The following SMARCA2 variants were observed in gnomAD, a reference collection of about 807,000 sequenced individuals.
SMARCA2 encodes the protein SWI/SNF-related matrix-associated actin-dependent regulator of chromatin subfamily A member 2.
SMARCA2 carries 61 observed loss-of-function variants against 199.8 expected under a neutral mutation model. The ratio of observed to expected loss-of-function variants is 0.31; its 90% CI spans 0.25 to 0.38. The LOEUF is 0.38. Among genes scored for constraint, SMARCA2 ranks in the 10% least tolerant of loss-of-function variants. SMARCA2 has a pLI of 1.00. For synonymous variants in SMARCA2, 935 were observed against 732.0 expected, an observed-to-expected ratio of 1.28 and a Z score of -4.48; for missense variants, 1,344 against 2,012.2, an observed-to-expected ratio of 0.67 and a Z score of 6.35.
At chr9:2,187,684 A>T (rs1827568026) in intron 32 of SMARCA2, among the ~76,000 whole-genome samples, 1 of 151,906 alleles carries the variant, frequency 6.6e-6, no homozygotes. Context: ...CTAAAAAAAA[A>T]ATTTTAAATA....
At chr9:2,085,222 G>A (rs1232224939) in intron 17 of SMARCA2, among the ~76,000 whole-genome samples, 1 of 152,172 alleles carries the variant, frequency 6.6e-6, no homozygotes, top group African/African-American at 2.4e-5. Flanking sequence ...ATTTGGCAGT[G>A]TCAAAAATGA....
At chr9:2,149,260 G>A (rs1234905384) in intron 27 of SMARCA2, among the ~76,000 whole-genome samples, 1 of 151,320 alleles carries the variant, frequency 6.6e-6, no homozygotes, top group East Asian at 1.9e-4. Context: ...GCTCACACCT[G>A]TAATCCAAGC....
At chr9:2,129,075 C>T (rs1823821702) in intron 27 of SMARCA2, among the ~76,000 whole-genome samples, 1 of 152,156 alleles carries the variant, frequency 6.6e-6, no homozygotes, top group Non-Finnish European at 1.5e-5. Context: ...TCACAGAACT[C>T]AGGCAAGTGC....
In SMARCA2 at chr9:2,042,265, C is replaced by G. The variant is rs572128773; in HGVS notation, c.790+2365C>G. Reference sequence around the variant, plus strand: ...GTAGAGGCCAGCTGGTAACTACCAGCTACATGAAAGGCTGATGGAGAGGAG... The same window carrying G: ...GTAGAGGCCAGCTGGTAACTACCAGGTACATGAAAGGCTGATGGAGAGGAG... On this transcript the variant is annotated intron_variant, in intron 4 of 33. Coordinates refer to ENST00000349721, the MANE Select transcript of SMARCA2 (RefSeq NM_003070.5). 26 of 152,280 alleles carry G rather than the reference C, an allele frequency of 1.7e-4. No individual in the cohort carries two copies. In the South Asian group the frequency reaches 3.7e-3, roughly 22 times the overall value. The allele number at this position is 152,280 out of a possible 1,614,324, so 9.4% of individuals were successfully genotyped here. A position where few individuals can be genotyped will look rare whatever the true frequency, so the allele number is the denominator to read the frequency against.
intron 9 of SMARCA2, among the ~76,000 whole-genome samples, chr9:2,063,344 A>G (rs1342059914): frequency 6.6e-6 from 1 of 152,146 alleles, no homozygotes; most frequent in African/African-American, 2.4e-5. Flanking sequence ...CTGATTTGAC[A>G]CTTTGGATTA....
chr9:2,035,083 C>A (rs1323877968), intron 3 of SMARCA2, among the ~76,000 whole-genome samples: 1 of 150,950 alleles, frequency 6.6e-6, no homozygotes, highest in African/African-American at 2.4e-5. Flanking sequence ...CCTCTGTTGC[C>A]CAGGCTGGAG....
At chr9:2,146,378 C>A (rs936610627) in intron 27 of SMARCA2, among the ~76,000 whole-genome samples, 1 of 152,066 alleles carries the variant, frequency 6.6e-6, no homozygotes, top group Non-Finnish European at 1.5e-5. Flanking sequence ...AAGAAATATG[C>A]GAAATCAGGA....
chr9:2,153,610 T>A (rs190490956), intron 27 of SMARCA2, among the ~76,000 whole-genome samples: 291 of 152,332 alleles, frequency 1.9e-3, no homozygotes, highest in Admixed American at 0.017. Context: ...TAATGCTCAA[T>A]GTTTTTAATA....
intron 11 of SMARCA2, 34 bp from the exon 12 acceptor site, chr9:2,073,532 A>G (rs1265805847): frequency 1.9e-6 from 3 of 1,579,000 alleles, no homozygotes; most frequent in East Asian, 2.2e-5. Flanking sequence ...TTAAAAAACT[A>G]AGCCCCCTCC....
chr9:2,051,122 G>A (rs1031543395), intron 5 of SMARCA2, among the ~76,000 whole-genome samples: 6 of 152,150 alleles, frequency 3.9e-5, no homozygotes, highest in African/African-American at 1.2e-4. Context: ...TTAAAATGAA[G>A]ATTTCTATTA....
At chr9:2,176,076 T>G (rs191842594) in intron 29 of SMARCA2, among the ~76,000 whole-genome samples, 1 of 152,094 alleles carries the variant, frequency 6.6e-6, no homozygotes, top group East Asian at 1.9e-4. Flanking sequence ...AGATGAGGTT[T>G]CTCCATGTTG....
intron 27 of SMARCA2, among the ~76,000 whole-genome samples, chr9:2,157,317 A>T (rs1231476732): frequency 6.6e-6 from 1 of 152,130 alleles, no homozygotes; most frequent in Non-Finnish European, 1.5e-5. Flanking sequence ...TTTTGGAATC[A>T]AGTTTGGTGA....
chr9:2,094,322 C>G (rs1337888780), intron 19 of SMARCA2, among the ~76,000 whole-genome samples: 1 of 152,234 alleles, frequency 6.6e-6, no homozygotes, highest in Non-Finnish European at 1.5e-5. Context: ...TCTCTGCTGA[C>G]TTGACCTCGT....
At chr9:2,023,119 C>T (rs1427613481) in intron 1 of SMARCA2, among the ~76,000 whole-genome samples, 1 of 152,122 alleles carries the variant, frequency 6.6e-6, no homozygotes, top group Non-Finnish European at 1.5e-5. Context: ...TTTGAGATGG[C>T]AACTCATGGT....
In SMARCA2 at chr9:2,056,603, C is replaced by A; in HGVS notation, c.1174-69C>A. On this transcript the variant is annotated intron_variant, in intron 6 of 33. Transcript: ENST00000349721. This position sits in a 1 kb window ranked among gnomAD's most constrained non-coding sequence, Gnocchi z 4.0. ...CACTCTATTCCATTAAATGCAACCGCGAGAAGGCCAGAGTTCAGGAACCTA... is the reference window on the plus strand; with the variant it reads ...CACTCTATTCCATTAAATGCAACCGAGAGAAGGCCAGAGTTCAGGAACCTA... 1 of 1,435,460 alleles carries A rather than the reference C, an allele frequency of 7.0e-7. No individual in the cohort carries two copies. The highest frequency in any genetic ancestry group is 2.4e-5 in the East Asian group (1 of 42,494). 88.9% of individuals were successfully genotyped at this position (1,435,460 alleles called of 1,614,324 possible).
chr9:2,052,595 A>G (rs1820171978), intron 5 of SMARCA2, among the ~76,000 whole-genome samples: 1 of 152,224 alleles, frequency 6.6e-6, no homozygotes, highest in Non-Finnish European at 1.5e-5. Context: ...ATAAAACAAG[A>G]ATCAGTCTTA....
intron 21 of SMARCA2, among the ~76,000 whole-genome samples, chr9:2,099,916 A>T (rs747384469): frequency 2.0e-5 from 3 of 152,158 alleles, no homozygotes; most frequent in Non-Finnish European, 4.4e-5. Flanking sequence ...GGAGACAGGG[A>T]TGGAGCCTAA....
At position 2,104,871 on chromosome 9, in the gene SMARCA2, C is replaced by T. The variant is rs1320568216; in HGVS notation, c.3292+702C>T. Among the ~76,000 whole-genome samples the T allele has an allele frequency of 6.6e-6, 1 of 152,044 alleles. No homozygotes were observed. Among genetic ancestry groups the T allele is most frequent in the East Asian group, 1.9e-4 (1 of 5,186 alleles). Reference sequence around the variant, plus strand: ...GGTTGAAAGTATCAGCATTTATACACAATGGAAGGGCATAAATATGGCATT... The same window carrying T: ...GGTTGAAAGTATCAGCATTTATACATAATGGAAGGGCATAAATATGGCATT... On this transcript the variant is annotated intron_variant, in intron 23 of 33. Transcript: ENST00000349721. The surrounding 1 kb of genome is among the most constrained non-coding windows in gnomAD (Gnocchi z 4.0).
At chr9:2,158,883 C>T in intron 27 of SMARCA2, 2 of 1,549,260 alleles carry the variant, frequency 1.3e-6, no homozygotes, top group Non-Finnish European at 8.8e-7. Flanking sequence ...ACATAAAGCA[C>T]TGCATATGGA....
Sources: gnomAD v4.1 joint callset for allele counts (sites outside exome capture counted in the v4.1 genomes callset) on GRCh38, gnomAD v4.1.1 for gene constraint, Gnocchi (gnomAD v3.1) non-coding constraint, MANE v1.5 for transcripts, NCBI Gene and HGNC (gene_info 2026-07-23, HGNC 2026-07-21) for gene names.